The following MYO16 variants were observed in gnomAD, a reference collection of about 807,000 sequenced individuals.
The protein encoded by MYO16 is unconventional myosin-XVI.
MYO16 carries 94 observed loss-of-function variants against 205.3 expected under a neutral mutation model. The ratio of observed to expected loss-of-function variants is 0.46; its 90% CI spans 0.39 to 0.54. MYO16 has a LOEUF of 0.54. Ranked by LOEUF, MYO16 falls within the 20% of genes least tolerant of loss-of-function variation. The pLI is 0.00. For synonymous variants in MYO16, 988 were observed against 954.0 expected (o/e 1.04, Z -0.66); for missense variants, 2,315 against 2,387.5 (o/e 0.97, Z 0.63).
chr13:108,728,544 A>G (rs1000913228), intron 4 of MYO16, among the ~76,000 whole-genome samples: 1 of 152,000 alleles, frequency 6.6e-6, no homozygotes, highest in African/African-American at 2.4e-5. Flanking sequence ...TAGTGATGAA[A>G]CTTTCCTTGG....
At chr13:108,591,718 C>A (rs1002588368), upstream of MYO16, among the ~76,000 whole-genome samples, 4 of 152,076 alleles carry the variant, frequency 2.6e-5, no homozygotes, top group Non-Finnish European at 5.9e-5. Context: ...CTCTTTTCTT[C>A]CTTGTCCTTT....
At chr13:108,678,397 A>T (rs1594202173) in intron 2 of MYO16, among the ~76,000 whole-genome samples, 2 of 152,196 alleles carry the variant, frequency 1.3e-5, no homozygotes, top group Admixed American at 1.3e-4. Flanking sequence ...TTCCCAAAGT[A>T]GAAAGAAAAG....
Position 109,124,708 on chromosome 13 carries a change from A to G in MYO16, c.3536-404A>G, listed in dbSNP as rs544954762. Among the ~76,000 whole-genome samples the G allele has an allele frequency of 5.3e-5, 8 of 152,326 alleles. No homozygotes were observed. The East Asian group carries it at 7.7e-4, about 15-fold the overall frequency. Reference sequence around the variant, plus strand: ...GAAACAATATATGCATGATATTTCCAAAGACAAACCCCATAAGCCTTAGGT... The same window carrying G: ...GAAACAATATATGCATGATATTTCCGAAGACAAACCCCATAAGCCTTAGGT... On this transcript the variant is annotated intron_variant, in intron 29 of 34. Coordinates refer to ENST00000457511, the MANE Select transcript of MYO16 (RefSeq NM_001198950.3).
chr13:108,530,219 G>A, the MYO16 span, among the ~76,000 whole-genome samples: 1 of 152,182 alleles, frequency 6.6e-6, no homozygotes, highest in Non-Finnish European at 1.5e-5. Context: ...GAGGGTGAGA[G>A]TCCACTCTAC....
Position 109,080,583 on chromosome 13 carries a change from A to G in MYO16, c.3336-20202A>G, listed in dbSNP as rs376754903. ...TGAACATTCTGTGCCCCTCTTCAAAAAAAAAAAAAAATGCTTTGGCTCAGG... is the reference window on the plus strand; with the variant it reads ...TGAACATTCTGTGCCCCTCTTCAAAGAAAAAAAAAAATGCTTTGGCTCAGG... On this transcript the variant is annotated intron_variant, in intron 27 of 34. Transcript: ENST00000457511. Among the ~76,000 whole-genome samples the G allele has an allele frequency of 8.8e-3, 1,337 of 151,134 alleles. 22 individuals are homozygous for G. The highest frequency in any genetic ancestry group is 0.029 in the African/African-American group (1,195 of 41,344).
chr13:109,131,933 T>C (rs1009832356), intron 31 of MYO16, among the ~76,000 whole-genome samples: 6 of 152,148 alleles, frequency 3.9e-5, no homozygotes, highest in African/African-American at 1.4e-4. Flanking sequence ...TCCAAGCCCA[T>C]GTATGTCAAG....
chr13:108,576,949 C>T, the MYO16 span, among the ~76,000 whole-genome samples: 2 of 152,008 alleles, frequency 1.3e-5, no homozygotes, highest in African/African-American at 4.8e-5. Context: ...TATATAGAGA[C>T]AGGGCCTTGC....
At chr13:108,580,900 A>G in the MYO16 span, among the ~76,000 whole-genome samples, 1 of 152,250 alleles carries the variant, frequency 6.6e-6, no homozygotes, top group Non-Finnish European at 1.5e-5. Flanking sequence ...AATACATGTA[A>G]CACTTAGACT....
chr13:108,981,960 C>A (rs886859096), intron 20 of MYO16, among the ~76,000 whole-genome samples: 1 of 152,218 alleles, frequency 6.6e-6, no homozygotes, highest in Non-Finnish European at 1.5e-5. Flanking sequence ...GGTCTGTCAT[C>A]TTCTGGGCCA....
At chr13:108,609,120 T>A (rs1286665739) in intron 1 of MYO16, among the ~76,000 whole-genome samples, 1 of 152,180 alleles carries the variant, frequency 6.6e-6, no homozygotes, top group Non-Finnish European at 1.5e-5. Context: ...GGCCGACAAC[T>A]CAAGCCTGTC....
At chr13:109,016,408 G>C (rs1475060988) in intron 22 of MYO16, among the ~76,000 whole-genome samples, 1 of 152,236 alleles carries the variant, frequency 6.6e-6, no homozygotes, top group Non-Finnish European at 1.5e-5. Flanking sequence ...TGGAATAAGT[G>C]TGATGTGGTG....
intron 1 of MYO16, among the ~76,000 whole-genome samples, chr13:108,659,616 G>C (rs2139420389): frequency 6.6e-6 from 1 of 152,278 alleles, no homozygotes; most frequent in Middle Eastern, 3.4e-3. Context: ...AAAGCAGTTA[G>C]ATGGGAACAC....
chr13:108,846,431 G>T (rs1030277347), intron 10 of MYO16, among the ~76,000 whole-genome samples: 1 of 151,672 alleles, frequency 6.6e-6, no homozygotes, highest in African/African-American at 2.4e-5. Context: ...ACCCATTACT[G>T]CTCACCTTTA....
intron 33 of MYO16, among the ~76,000 whole-genome samples, chr13:109,169,500 A>G (rs890668569): frequency 2.0e-5 from 3 of 152,174 alleles, no homozygotes; most frequent in African/African-American, 7.2e-5. Context: ...ATTGGCACAA[A>G]TAACAGATTT....
chr13:108,666,172 C>A, intron 2 of MYO16, 23 bp downstream of exon 2: 3 of 1,566,530 alleles, frequency 1.9e-6, no homozygotes, highest in Non-Finnish European at 2.6e-6. Context: ...AAAGAAGGAC[C>A]CGTTTTCTGA....
chr13:109,004,785 A>G (rs1885335578), intron 21 of MYO16, among the ~76,000 whole-genome samples: 1 of 152,194 alleles, frequency 6.6e-6, no homozygotes, highest in Non-Finnish European at 1.5e-5. Context: ...TTTTCATATG[A>G]TATTTAGATA....
At chr13:109,194,104 T>G (rs1285499864) in intron 34 of MYO16, among the ~76,000 whole-genome samples, 2 of 152,178 alleles carry the variant, frequency 1.3e-5, no homozygotes, top group Non-Finnish European at 2.9e-5. Flanking sequence ...GTGTCTTGTC[T>G]AAGCATCTTT....
intron 2 of MYO16, among the ~76,000 whole-genome samples, chr13:108,679,292 C>T (rs1290488683): frequency 1.3e-5 from 2 of 152,198 alleles, no homozygotes; most frequent in Non-Finnish European, 2.9e-5. Flanking sequence ...CTCTCACTGT[C>T]TCCACTCACC....
chr13:108,912,843 G>A (rs962171829), intron 16 of MYO16, among the ~76,000 whole-genome samples: 1 of 152,118 alleles, frequency 6.6e-6, no homozygotes, highest in African/African-American at 2.4e-5. Flanking sequence ...GTGTCTGTGT[G>A]TGTGCACGTG....
Sources: allele counts gnomAD v4.1 joint callset (sites outside exome capture counted in the v4.1 genomes callset), GRCh38; gene constraint gnomAD v4.1.1; transcripts MANE v1.5; gene names NCBI Gene and HGNC (gene_info 2026-07-23, HGNC 2026-07-21).